Variants in FAAH observed in about 807,000 individuals in gnomAD.
FAAH encodes the protein fatty acid amide hydrolase.
FAAH carries 63 observed loss-of-function variants against 69.7 expected under a neutral mutation model. The observed-to-expected ratio is 0.90, with a 90% CI of 0.74 to 1.12. FAAH has a LOEUF of 1.12. Among genes scored for constraint, FAAH ranks in the 50% most tolerant of loss-of-function variants. FAAH has a pLI of 0.00. For missense variants in FAAH, 680 were observed against 755.0 expected (o/e 0.90, Z 1.16); for synonymous variants, 305 against 324.2 (o/e 0.94, Z 0.64).
intron 2 of FAAH, among the ~76,000 whole-genome samples, chr1:46,402,986 G>C (rs1017948126): frequency 6.6e-6 from 1 of 151,348 alleles, no homozygotes; most frequent in Non-Finnish European, 1.5e-5. Context: ...AGCCACTGCA[G>C]CTGGCCCCCA....
chr1:46,402,057 G>A (rs1204002112), intron 1 of FAAH, 34 bp from the exon 2 acceptor site: 3 of 1,552,090 alleles, frequency 1.9e-6, no homozygotes, highest in East Asian at 2.4e-5. Flanking sequence ...AGACTTCGGC[G>A]AGTAGGGGAC....
intron 1 of FAAH, 76 bp from the exon 2 acceptor site, chr1:46,402,015 C>A: frequency 8.0e-7 from 1 of 1,243,008 alleles, no homozygotes; most frequent in Middle Eastern, 1.9e-4. Flanking sequence ...GCTGCTGGGG[C>A]ATGGGCCACT....
chr1:46,410,785 G>C lies in FAAH; in HGVS notation c.1276-29G>C. 6.2e-7 allele frequency: 1 copy of C among 1,614,176 alleles called. No individual in the cohort carries two copies. Among genetic ancestry groups the C allele is most frequent in the East Asian group, 2.2e-5 (1 of 44,892 alleles). ...GACGTCTGCCGTGGCCCAGAGCTGAGTCACCGACCCTGCGTCTGTCCTGTG... is the reference window on the plus strand; with the variant it reads ...GACGTCTGCCGTGGCCCAGAGCTGACTCACCGACCCTGCGTCTGTCCTGTG... On this transcript the variant is annotated intron_variant, in intron 10 of 14. Coordinates refer to ENST00000243167, the MANE Select transcript of FAAH (RefSeq NM_001441.3). The surrounding 1 kb of genome is among the most constrained non-coding windows in gnomAD (Gnocchi z 4.9).
intron 13 of FAAH, 93 bp downstream of exon 13, chr1:46,412,344 C>G: frequency 9.0e-7 from 1 of 1,111,768 alleles, no homozygotes; most frequent in Non-Finnish European, 1.3e-6. Context: ...TCTGGGAGGA[C>G]CCTGCCCTCT....
rs1664780806 is a variant in FAAH, at chr1:46,405,707, G to A, written c.698G>A (p.Gly233Asp). 1 of 1,613,468 alleles carries A rather than the reference G, an allele frequency of 6.2e-7. No homozygotes were observed. Among genetic ancestry groups the A allele is most frequent in the African/African-American group, 1.3e-5 (1 of 74,934 alleles). Residue 233 changes from glycine to aspartate, a missense_variant, in exon 5 of 15, where the codon GGC (glycine) becomes GAC (aspartate). Coordinates refer to ENST00000243167, the MANE Select transcript of FAAH (RefSeq NM_001441.3). The surrounding 1 kb of genome is among the most constrained non-coding windows in gnomAD (Gnocchi z 4.1). Reference sequence around the variant, plus strand: ...ATCGGGTCTGGAGGCTCCCCCCTGGGCTTAGGCACTGATATCGGAGGCAGC... The same window carrying A: ...ATCGGGTCTGGAGGCTCCCCCCTGGACTTAGGCACTGATATCGGAGGCAGC... ...ALIGSGGSPL[G>D]LGTDIGGSIR...
chr1:46,398,637 G>A lies in FAAH; in HGVS notation c.196-3454G>A, dbSNP rs1664642875. On this transcript the variant is annotated intron_variant, in intron 1 of 14. Transcript: ENST00000243167. ...CAACCTCCGCCTCCCGGGTTCAAGT[G>A]ATTCTCCTGCCTCAGCCTCCTGGAG... Among the ~76,000 whole-genome samples the A allele has an allele frequency of 2.0e-5, 3 of 151,748 alleles. No homozygotes were observed. In the South Asian group the frequency reaches 6.2e-4, roughly 32 times the overall value.
chr1:46,410,270 G>A lies in FAAH; in HGVS notation c.1176-128G>A. 3 of 782,642 alleles carry A rather than the reference G, an allele frequency of 3.8e-6. No homozygotes were observed. Among genetic ancestry groups the A allele is most frequent in the Non-Finnish European group, 6.9e-6 (3 of 435,254 alleles). 48.5% of individuals were successfully genotyped at this position (782,642 alleles called of 1,614,324 possible). On this transcript the variant is annotated intron_variant, in intron 9 of 14. Coordinates refer to ENST00000243167, the MANE Select transcript of FAAH (RefSeq NM_001441.3). The surrounding 1 kb of genome is among the most constrained non-coding windows in gnomAD (Gnocchi z 4.9). The stretch of plus-strand genomic sequence containing the variant: ...AACAAACGGCATGTTTGGAAGGAGG[G>A]AGCTGAGTCTGGTGAGGAGGAGGTG...
In FAAH at chr1:46,404,037, C is replaced by A. The variant is rs76242724; in HGVS notation, c.310-977C>A. On this transcript the variant is annotated intron_variant, in intron 2 of 14. Transcript: ENST00000243167. The surrounding 1 kb of genome is among the most constrained non-coding windows in gnomAD (Gnocchi z 4.5). ...TGAGTGTGACCCCTAGGCAGGTGAA[C>A]TTGTCTGGGTGCAGTGTATGTGACA... 5.4e-4 allele frequency among the ~76,000 whole-genome samples: 83 copies of A among 152,298 alleles called. 1 individual carries two copies. The East Asian group carries it at 0.014, about 25-fold the overall frequency.
intron 2 of FAAH, among the ~76,000 whole-genome samples, chr1:46,402,520 C>T (rs747252043): frequency 6.6e-6 from 1 of 151,446 alleles, no homozygotes; most frequent in African/African-American, 2.4e-5. Flanking sequence ...CTGTTCCCTT[C>T]TTTTTTTTTG....
rs1251279191 is a variant in FAAH, at chr1:46,410,432, C to G, written c.1210C>G (p.Leu404Val). 6.2e-7 allele frequency: 1 copy of G among 1,613,920 alleles called. No homozygotes were observed. Among genetic ancestry groups the G allele is most frequent in the Non-Finnish European group, 8.5e-7 (1 of 1,179,990 alleles). Residue 404 changes from leucine (L) to valine (V), a missense_variant, in exon 10 of 15, where the codon CTG becomes GTG. By Grantham distance (32) the Leu-to-Val change is conservative. Coordinates refer to ENST00000243167, the MANE Select transcript of FAAH (RefSeq NM_001441.3). The surrounding 1 kb of genome is among the most constrained non-coding windows in gnomAD (Gnocchi z 4.9). ...GDFVDPCLGDLVSILKLPQWL... is the reference protein window; with the variant it reads ...GDFVDPCLGDVVSILKLPQWL... ...TTTCGTGGACCCCTGCCTGGGGGAC[C>G]TGGTCTCAATTCTGAAGCTTCCCCA...
intron 13 of FAAH, 141 bp from the exon 14 acceptor site, chr1:46,412,934 G>C: frequency 9.8e-7 from 1 of 1,024,972 alleles, no homozygotes; most frequent in Non-Finnish European, 1.5e-6. Flanking sequence ...CCTGGGCTTT[G>C]TCACTCAGAC....
intron 1 of FAAH, among the ~76,000 whole-genome samples, chr1:46,398,710 T>G (rs1348696261): frequency 1.3e-5 from 2 of 152,016 alleles, no homozygotes; most frequent in African/African-American, 4.8e-5. Flanking sequence ...AATTTTTGCA[T>G]TTTTGGTAGA....
At chr1:46,399,534 TA>T (rs1358492391) in intron 1 of FAAH, among the ~76,000 whole-genome samples, 4 of 152,212 alleles carry the variant, frequency 2.6e-5, no homozygotes, top group Non-Finnish European at 5.9e-5. Context: ...AGCACATTGC[TA>T]GCTGCTAGCT....
At position 46,410,649 on chromosome 1, in the gene FAAH, C is replaced by T; in HGVS notation, c.1275+152C>T. ...AGTCCCCACCCAGACTGCTCTCCTCCTCTGTCCCCTGCGATCTTCAGCCAA... is the reference window on the plus strand; with the variant it reads ...AGTCCCCACCCAGACTGCTCTCCTCTTCTGTCCCCTGCGATCTTCAGCCAA... On this transcript the variant is annotated intron_variant, in intron 10 of 14. Coordinates refer to ENST00000243167, the MANE Select transcript of FAAH (RefSeq NM_001441.3). The surrounding 1 kb of genome is among the most constrained non-coding windows in gnomAD (Gnocchi z 4.9). The T allele has an allele frequency of 3.6e-6, 4 of 1,102,568 alleles. No homozygotes were observed. Among genetic ancestry groups the T allele is most frequent in the Non-Finnish European group, 5.5e-6 (4 of 721,732 alleles). 68.3% of individuals were successfully genotyped at this position (1,102,568 alleles called of 1,614,324 possible).
chr1:46,400,145 G>A (rs1025150952), intron 1 of FAAH, among the ~76,000 whole-genome samples: 2 of 151,542 alleles, frequency 1.3e-5, no homozygotes, highest in African/African-American at 4.9e-5. Flanking sequence ...CAGAGGCTGT[G>A]GCATGTGCTC....
intron 1 of FAAH, among the ~76,000 whole-genome samples, chr1:46,399,724 TA>T (rs1306275853): frequency 6.6e-6 from 1 of 152,162 alleles, no homozygotes; most frequent in African/African-American, 2.4e-5. Context: ...AAAACAAAAA[TA>T]AAGCAAAATT....
chr1:46,401,783 T>C (rs1007811297), intron 1 of FAAH, among the ~76,000 whole-genome samples: 1 of 152,210 alleles, frequency 6.6e-6, no homozygotes, highest in Non-Finnish European at 1.5e-5. Flanking sequence ...CAGTAGCATG[T>C]GCCTGTAGTT....
At chr1:46,412,299 C>A (rs1439466919) in intron 13 of FAAH, 48 bp downstream of exon 13, 3 of 1,451,996 alleles carry the variant, frequency 2.1e-6, no homozygotes, top group Non-Finnish European at 2.8e-6. Flanking sequence ...TGGCCATGTG[C>A]CCTGCAGGGC....
rs1664788425 is a variant in FAAH at position 46,406,054 on chromosome 1, G to A, written c.802G>A (p.Gly268Ser). The change falls in exon 6 of 15, where the codon GGC becomes AGC. Residue 268 changes from glycine (G) to serine (S), a missense_variant. Gly to Ser is a moderately conservative substitution (Grantham distance 56, BLOSUM62 0). Coordinates refer to ENST00000243167, the MANE Select transcript of FAAH (RefSeq NM_001441.3). Reference protein sequence around the residue: ...GNRLSKSGLKGCVYGQEAVRL... With the variant: ...GNRLSKSGLKSCVYGQEAVRL... ...CTTATCCAGCAAGAGTGGCCTGAAG[G>A]GCTGTGTCTATGGACAGGAGGCAGG... 7 of 1,614,230 alleles carry A rather than the reference G, an allele frequency of 4.3e-6. No homozygotes were observed. The highest frequency in any genetic ancestry group is 5.9e-6 in the Non-Finnish European group (7 of 1,180,038).
Sources: gnomAD v4.1 joint callset for allele counts (sites outside exome capture counted in the v4.1 genomes callset) on GRCh38, gnomAD v4.1.1 for gene constraint, Gnocchi (gnomAD v3.1) non-coding constraint, MANE v1.5 for transcripts, NCBI Gene and HGNC (gene_info 2026-07-23, HGNC 2026-07-21) for gene names.